C1orf74: variants seen among roughly 807,000 people sequenced by gnomAD.
C1orf74 encodes the protein UPF0739 protein C1orf74.
Under a neutral mutation model 7.3 loss-of-function variants are expected in C1orf74, and 5 were observed. The ratio of observed to expected loss-of-function variants is 0.68; its 90% CI spans 0.36 to 1.44. The LOEUF is 1.44. Among genes scored for constraint, C1orf74 ranks in the 40% most tolerant of loss-of-function variants. The pLI is 0.04. For missense variants in C1orf74, 291 were observed against 314.3 expected (o/e 0.93, Z 0.56); for synonymous variants, 121 against 132.5 (o/e 0.91, Z 0.59).
Position 209,780,553 on chromosome 1 carries a change from C to A in C1orf74, c.*2272G>T. On this transcript the variant is annotated 3_prime_UTR_variant, in exon 2 of 2. Coordinates refer to ENST00000294811, the MANE Select transcript of C1orf74 (RefSeq NM_152485.4). ...TACAGGGAAGGAGAAAGACTGGGAT[C>A]TCAGAGACCAGCTGCAAAAGAAGAC... 1 of 1,600,810 alleles carries A rather than the reference C, an allele frequency of 6.2e-7. No homozygotes were observed. The highest frequency in any genetic ancestry group is 8.5e-7 in the Non-Finnish European group (1 of 1,173,056).
Position 209,780,975 on chromosome 1 carries a change from G to A in C1orf74, c.*1850C>T, listed in dbSNP as rs2077765878. 2 of 188,274 alleles carry A rather than the reference G, an allele frequency of 1.1e-5. No homozygotes were observed. Among genetic ancestry groups the A allele is most frequent in the Admixed American group, 1.2e-4 (2 of 16,808 alleles). The allele number at this position is 188,274 out of a possible 1,614,324, so 11.7% of individuals were successfully genotyped here. A position where few individuals can be genotyped will look rare whatever the true frequency, so the allele number is the denominator to read the frequency against. On this transcript the variant is annotated 3_prime_UTR_variant, in exon 2 of 2. Coordinates refer to ENST00000294811, the MANE Select transcript of C1orf74 (RefSeq NM_152485.4). ...ATACTCACAAACATACACATCCCCAGAAGTATTGATATGCAACTAGCTCCT... is the reference window on the plus strand; with the variant it reads ...ATACTCACAAACATACACATCCCCAAAAGTATTGATATGCAACTAGCTCCT...
intron 1 of C1orf74, 77 bp downstream of exon 1, chr1:209,784,301 T>C (rs957071765): frequency 6.6e-6 from 1 of 151,660 alleles, no homozygotes; most frequent in Non-Finnish European, 1.5e-5. Flanking sequence ...GAAGATGAGA[T>C]TTCTCCGATC....
Position 209,782,071 on chromosome 1 carries a change from T to C in C1orf74, c.*754A>G, listed in dbSNP as rs1158168107. The C allele has an allele frequency of 1.9e-6, 3 of 1,614,172 alleles. No individual in the cohort carries two copies. The highest frequency in any genetic ancestry group is 2.5e-6 in the Non-Finnish European group (3 of 1,180,002). ...CCCCCTACAGAGGCAATGTGGGCGA[T>C]GGCTCCCAGTGCTGATGGTGGTGAT... On this transcript the variant is annotated 3_prime_UTR_variant, in exon 2 of 2. Transcript: ENST00000294811.
Position 209,783,367 on chromosome 1 carries a change from C to T in C1orf74, c.268G>A (p.Glu90Lys), listed in dbSNP as rs1338990046. Residue 90 changes from glutamate (E) to lysine (K), a missense_variant, in exon 2 of 2, where the codon GAA becomes AAA. Glu to Lys is a moderately conservative substitution (Grantham distance 56). Transcript: ENST00000294811. ...TCAGGACTGACAATCAGGCTGTTTT[C>T]TCCAATCTCAAGGATGTGAAGTCCA... The part of the protein sequence containing the change: ...TFGLHILEIG[E>K]NSLIVSPEHV... 6.2e-7 allele frequency: 1 copy of T among 1,614,190 alleles called. No individual in the cohort carries two copies. The highest frequency in any genetic ancestry group is 1.7e-5 in the Admixed American group (1 of 60,016).
rs1170031870 is a variant in C1orf74, at chr1:209,783,663, T to C, written c.-29A>G. ...GAATGGCCTCCTTAGCTAGCCCGAG[T>C]TCCCTTCCCTGGGTGGCATCTTTCA... On this transcript the variant is annotated 5_prime_UTR_variant, in exon 2 of 2. Coordinates refer to ENST00000294811, the MANE Select transcript of C1orf74 (RefSeq NM_152485.4). 6.5e-7 allele frequency: 1 copy of C among 1,527,564 alleles called. No individual in the cohort carries two copies. Among genetic ancestry groups the C allele is most frequent in the Admixed American group, 2.1e-5 (1 of 48,016 alleles). 94.6% of individuals were successfully genotyped at this position (1,527,564 alleles called of 1,614,324 possible). A position where few individuals can be genotyped will look rare whatever the true frequency, so the allele number is the denominator to read the frequency against.
intron 1 of C1orf74, among the ~76,000 whole-genome samples, chr1:209,784,148 A>C (rs1006430782): frequency 7.9e-5 from 12 of 152,168 alleles, no homozygotes; most frequent in African/African-American, 2.9e-4. Flanking sequence ...AATTTGATTA[A>C]TATACACCAG....
Position 209,780,569 on chromosome 1 carries a change from A to C in C1orf74, c.*2256T>G, listed in dbSNP as rs768496467. 1 of 1,598,738 alleles carries C rather than the reference A, an allele frequency of 6.3e-7. No individual in the cohort carries two copies. Among genetic ancestry groups the C allele is most frequent in the Non-Finnish European group, 8.5e-7 (1 of 1,171,694 alleles). ...GACTGGGATCTCAGAGACCAGCTGC[A>C]AAAGAAGACTTTGCAGCTCCAGGCC... On this transcript the variant is annotated 3_prime_UTR_variant, in exon 2 of 2. Transcript: ENST00000294811.
rs779234473 is a variant in C1orf74 at position 209,782,186 on chromosome 1, C to A, written c.*639G>T. The A allele has an allele frequency of 6.5e-7, 1 of 1,549,268 alleles. No individual in the cohort carries two copies. Among genetic ancestry groups the A allele is most frequent in the South Asian group, 1.1e-5 (1 of 89,746 alleles). ...AACTGCCTTGGGTGAAAATCAGAAG[C>A]AAGCAACTCAGCGAAAAACTCAGAA... On this transcript the variant is annotated 3_prime_UTR_variant, in exon 2 of 2. Coordinates refer to ENST00000294811, the MANE Select transcript of C1orf74 (RefSeq NM_152485.4).
In C1orf74 at chr1:209,783,276, C is replaced by A; in HGVS notation, c.359G>T (p.Cys120Phe). 6.2e-7 allele frequency: 1 copy of A among 1,614,158 alleles called. No homozygotes were observed. The highest frequency in any genetic ancestry group is 8.5e-7 in the Non-Finnish European group (1 of 1,180,028). Residue 120 changes from cysteine (C) to phenylalanine (F), a missense_variant, in exon 2 of 2, where the codon TGC becomes TTC. Coordinates refer to ENST00000294811, the MANE Select transcript of C1orf74 (RefSeq NM_152485.4). Reference sequence around the variant, plus strand: ...GGAGCAGACAGAAGGGTGACGCTGGCAGCTGGAAACATCCACAAAGGCTAT... The same window carrying A: ...GGAGCAGACAGAAGGGTGACGCTGGAAGCTGGAAACATCCACAAAGGCTAT... ...GTIAFVDVSSCQRHPSVCSLD... is the reference protein window; with the variant it reads ...GTIAFVDVSSFQRHPSVCSLD...
In C1orf74 at chr1:209,782,872, G is replaced by C. The variant is rs2077805674; in HGVS notation, c.763C>G (p.Leu255Val). ...RFRTQNDFAD[L>V]SISSEIVTLP... is the part of the protein sequence containing the mutation. ...GTGACTATCTCAGAGGAGATGCTGAGATCAGCAAAGTCATTCTGAGTCCTA... is the reference window on the plus strand; with the variant it reads ...GTGACTATCTCAGAGGAGATGCTGACATCAGCAAAGTCATTCTGAGTCCTA... The change falls in exon 2 of 2, where the codon CTC becomes GTC. Residue 255 changes from leucine to valine, a missense_variant. Physicochemically the swap from Leu to Val is conservative, Grantham distance 32. Transcript: ENST00000294811. 2 of 1,614,124 alleles carry C rather than the reference G, an allele frequency of 1.2e-6. No homozygotes were observed. The highest frequency in any genetic ancestry group is 2.7e-5 in the African/African-American group (2 of 75,036).
chr1:209,783,371 A>T lies in C1orf74; in HGVS notation c.264T>A (p.Ile88=), dbSNP rs1461657286. ...FLTFGLHILE[I]GENSLIVSPE... ...GACTGACAATCAGGCTGTTTTCTCC[A>T]ATCTCAAGGATGTGAAGTCCAAAAG... Residue 88 remains isoleucine (I), a synonymous_variant, in exon 2 of 2, where the codon ATT becomes ATA. Transcript: ENST00000294811. The T allele has an allele frequency of 6.2e-7, 1 of 1,614,038 alleles. No homozygotes were observed. Among genetic ancestry groups the T allele is most frequent in the Non-Finnish European group, 8.5e-7 (1 of 1,180,030 alleles).
intron 1 of C1orf74, 106 bp from the exon 2 acceptor site, chr1:209,783,815 C>A: frequency 1.8e-6 from 1 of 557,022 alleles, no homozygotes; most frequent in South Asian, 2.7e-5. Context: ...GCGACCCAGC[C>A]CAGACAAGAT....
rs1315027986 is a variant in C1orf74, at chr1:209,780,618, A to G, written c.*2207T>C. 3.2e-6 allele frequency: 5 copies of G among 1,563,662 alleles called. No individual in the cohort carries two copies. Among genetic ancestry groups the G allele is most frequent in the Non-Finnish European group, 3.5e-6 (4 of 1,150,668 alleles). ...CCAAGGAAAAGGAGGTGAGAGGGTG[A>G]CCTGAGATAGTGAGGGCTCATTTGC... On this transcript the variant is annotated 3_prime_UTR_variant, in exon 2 of 2. Coordinates refer to ENST00000294811, the MANE Select transcript of C1orf74 (RefSeq NM_152485.4).
rs2077758971 is a variant in C1orf74, at chr1:209,780,715, A to T, written c.*2110T>A. On this transcript the variant is annotated 3_prime_UTR_variant, in exon 2 of 2. Transcript: ENST00000294811. ...AAGTTTAAGTTGTGAGTGGATAACC[A>T]CAGACATTCATTTGCCTACATAAAG... is the stretch of plus-strand genomic sequence containing the variant. 1 of 1,061,536 alleles carries T rather than the reference A, an allele frequency of 9.4e-7. No homozygotes were observed. The highest frequency in any genetic ancestry group is 1.3e-6 in the Non-Finnish European group (1 of 794,736). 65.8% of individuals were successfully genotyped at this position (1,061,536 alleles called of 1,614,324 possible).
rs905169340 is a variant in C1orf74 at position 209,784,510 on chromosome 1, G to C, written c.-208C>G. 10 of 152,268 alleles carry C rather than the reference G, an allele frequency of 6.6e-5. No individual in the cohort carries two copies. Among genetic ancestry groups the C allele is most frequent in the Admixed American group, 3.9e-4 (6 of 15,290 alleles). The allele number at this position is 152,268 out of a possible 1,614,324, so 9.4% of individuals were successfully genotyped here. ...CTGGAAAACCCGCCTGCGCTGGGAA[G>C]ACCCTCGCAGCCCGCTCTGCTCCAG... On this transcript the variant is annotated 5_prime_UTR_variant, in exon 1 of 2. Coordinates refer to ENST00000294811, the MANE Select transcript of C1orf74 (RefSeq NM_152485.4).
At position 209,782,794 on chromosome 1, in the gene C1orf74, G is replaced by A; in HGVS notation, c.*31C>T. 4 of 1,595,202 alleles carry A rather than the reference G, an allele frequency of 2.5e-6. No individual in the cohort carries two copies. Among genetic ancestry groups the A allele is most frequent in the Non-Finnish European group, 3.4e-6 (4 of 1,167,168 alleles). On this transcript the variant is annotated 3_prime_UTR_variant, in exon 2 of 2. Coordinates refer to ENST00000294811, the MANE Select transcript of C1orf74 (RefSeq NM_152485.4). ...CCCAACCTAGAGATGATCATTTACT[G>A]AGTACCTTCTATATGGGAGGAGAGT...
At position 209,781,698 on chromosome 1, in the gene C1orf74, A is replaced by G; in HGVS notation, c.*1127T>C. The G allele has an allele frequency of 2.0e-6, 1 of 495,390 alleles. No individual in the cohort carries two copies. The highest frequency in any genetic ancestry group is 3.6e-6 in the Non-Finnish European group (1 of 275,076). The allele number at this position is 495,390 out of a possible 1,614,324, so 30.7% of individuals were successfully genotyped here. On this transcript the variant is annotated 3_prime_UTR_variant, in exon 2 of 2. Coordinates refer to ENST00000294811, the MANE Select transcript of C1orf74 (RefSeq NM_152485.4). ...GGAAAGACTTACTCTTAGCTAAAGT[A>G]TGAAAGGGTGTTCTTTTAGCCGATG... is the stretch of plus-strand genomic sequence containing the variant.
Position 209,782,589 on chromosome 1 carries a change from C to A in C1orf74, c.*236G>T. ...TTTTATCCAGTGAAAATGAAAACAT[C>A]TCCACTAAGAGGACTTCCTAGTATA... On this transcript the variant is annotated 3_prime_UTR_variant, in exon 2 of 2. Transcript: ENST00000294811. The A allele has an allele frequency of 5.4e-6, 3 of 559,788 alleles. No homozygotes were observed. Among genetic ancestry groups the A allele is most frequent in the South Asian group, 4.5e-5 (2 of 44,690 alleles). The allele number at this position is 559,788 out of a possible 1,614,324, so 34.7% of individuals were successfully genotyped here.
In C1orf74 at chr1:209,782,855, C is replaced by T. The variant is rs527606918; in HGVS notation, c.780G>A (p.Glu260=). ...NDFADLSISS[E]IVTLPAVAL Reference sequence around the variant, plus strand: ...GGGCCACAGCCGGCAGTGTGACTATCTCAGAGGAGATGCTGAGATCAGCAA... The same window carrying T: ...GGGCCACAGCCGGCAGTGTGACTATTTCAGAGGAGATGCTGAGATCAGCAA... Residue 260 remains glutamate (E), a synonymous_variant, in exon 2 of 2, where the codon GAG becomes GAA. Transcript: ENST00000294811. The T allele has an allele frequency of 4.0e-5, 64 of 1,613,976 alleles. No individual in the cohort carries two copies. The African/African-American group carries it at 6.3e-4, about 16-fold the overall frequency.
Sources: gnomAD v4.1 joint callset for allele counts (sites outside exome capture counted in the v4.1 genomes callset) on GRCh38, gnomAD v4.1.1 for gene constraint, MANE v1.5 for transcripts, NCBI Gene and HGNC (gene_info 2026-07-23, HGNC 2026-07-21) for gene names.